The following CD8B2 variants were observed in gnomAD, a reference collection of about 807,000 sequenced individuals.
CD8B2 encodes T-cell surface glycoprotein CD8 beta-2 chain.
In CD8B2, 11 loss-of-function variants were observed where a neutral mutation model predicts 23.7. The observed-to-expected ratio is 0.46, with a 90% CI of 0.29 to 0.77. The LOEUF is 0.77. Among genes scored for constraint, CD8B2 ranks in the 30% least tolerant of loss-of-function variants. The probability of loss-of-function intolerance (pLI) is 0.09; values close to 1 mark genes in which losing one functional copy is unlikely to be tolerated. For missense variants in CD8B2, 197 were observed against 270.5 expected (o/e 0.73, Z 1.91); for synonymous variants, 90 against 109.3 (o/e 0.82, Z 1.10).
intron 5 of CD8B2, among the ~76,000 whole-genome samples, chr2:106,530,695 C>G (rs371819644): frequency 1.7e-4 from 26 of 152,232 alleles, no homozygotes; most frequent in African/African-American, 6.0e-4. Context: ...GGCTGCATTC[C>G]CAGATGGTTA....
At chr2:106,504,445 G>A (rs1679467446) in intron 5 of CD8B2, 120 bp downstream of exon 5, 1 of 1,532,304 alleles carries the variant, frequency 6.5e-7, no homozygotes, top group African/African-American at 1.4e-5. Context: ...GACTCGGCCG[G>A]GCGTGGTAGT....
At chr2:106,526,402 C>T (rs1199779009) in intron 5 of CD8B2, among the ~76,000 whole-genome samples, 2 of 152,140 alleles carry the variant, frequency 1.3e-5, no homozygotes, top group Non-Finnish European at 2.9e-5. Context: ...TACTTGTTAG[C>T]ATTCACGGCC....
chr2:106,524,744 C>T (rs964389275), intron 5 of CD8B2, among the ~76,000 whole-genome samples: 5 of 152,142 alleles, frequency 3.3e-5, no homozygotes, highest in Admixed American at 6.5e-5. Flanking sequence ...GTGGAATTTC[C>T]GGCTGCTGCG....
At chr2:106,503,413 A>G (rs958372319) in intron 4 of CD8B2, among the ~76,000 whole-genome samples, 7 of 152,060 alleles carry the variant, frequency 4.6e-5, no homozygotes, top group Admixed American at 1.3e-4. Context: ...TTTGCCTACA[A>G]TTGTTCCCCA....
At position 106,507,711 on chromosome 2, in the gene CD8B2, C is replaced by T. The variant is rs2104560752; in HGVS notation, c.*771C>T. On this transcript the variant is annotated 3_prime_UTR_variant, in exon 6 of 6. Coordinates refer to ENST00000643224, the MANE Select transcript of CD8B2 (RefSeq NM_001349727.2). ...TACGAAAGCCCATCTACAGCAAAGACATCAGTGCTCAGTGGAACAGAAACC... is the reference window on the plus strand; with the variant it reads ...TACGAAAGCCCATCTACAGCAAAGATATCAGTGCTCAGTGGAACAGAAACC... 4 of 851,008 alleles carry T rather than the reference C, an allele frequency of 4.7e-6. No homozygotes were observed. Among genetic ancestry groups the T allele is most frequent in the Middle Eastern group, 6.0e-4 (1 of 1,668 alleles). The allele number at this position is 851,008 out of a possible 1,614,324, so 52.7% of individuals were successfully genotyped here. A position where few individuals can be genotyped will look rare whatever the true frequency, so the allele number is the denominator to read the frequency against.
Position 106,491,146 on chromosome 2 carries a change from G to C in CD8B2, c.316G>C (p.Val106Leu), listed in dbSNP as rs533526934. Reference sequence around the variant, plus strand: ...CCGGTTCATTCTCAATCTCACAAGCGTGAAGCCGGAGGACAGTGGCATCTA... The same window carrying C: ...CCGGTTCATTCTCAATCTCACAAGCCTGAAGCCGGAGGACAGTGGCATCTA... ...ASRFILNLTS[V>L]KPEDSGIYFC... Residue 106 changes from valine (V) to leucine (L), a missense_variant, in exon 2 of 6, where the codon GTG (valine) becomes CTG (leucine). Physicochemically the swap from Val to Leu is conservative, Grantham distance 32. Coordinates refer to ENST00000643224, the MANE Select transcript of CD8B2 (RefSeq NM_001349727.2). The C allele has an allele frequency of 2.2e-4, 361 of 1,613,768 alleles. No homozygotes were observed. Among genetic ancestry groups the C allele is most frequent in the Non-Finnish European group, 2.9e-4 (338 of 1,179,776 alleles).
intron 3 of CD8B2, among the ~76,000 whole-genome samples, chr2:106,499,367 A>G (rs1291319818): frequency 2.6e-5 from 4 of 152,062 alleles, no homozygotes; most frequent in African/African-American, 9.7e-5. Flanking sequence ...ACCCGTCTCC[A>G]CTAAAAATAC....
At chr2:106,516,321 C>T (rs148278362) in intron 5 of CD8B2, among the ~76,000 whole-genome samples, 2,166 of 152,304 alleles carry the variant, frequency 0.014, 25 homozygotes, top group Non-Finnish European at 0.023. Flanking sequence ...CTTTCCTTCA[C>T]CCTGAGGGTG....
At chr2:106,537,137 T>C (rs982094470) in intron 5 of CD8B2, among the ~76,000 whole-genome samples, 1 of 152,162 alleles carries the variant, frequency 6.6e-6, no homozygotes, top group Admixed American at 6.5e-5. Flanking sequence ...AGACAGGACA[T>C]GTGAATATGG....
In CD8B2 at chr2:106,517,222, G is replaced by T. The variant is rs145970724; in HGVS notation, c.620+12897G>T. ...ATCCTGGGCTCCTGCTTTTTCTGGA[G>T]AATAGTCTTGTTTTTCCACATTTTA... On this transcript the variant is annotated intron_variant, in intron 5 of 5. Transcript: ENST00000416057. Among the ~76,000 whole-genome samples the T allele has an allele frequency of 6.2e-3, 938 of 151,940 alleles. 10 individuals are homozygous for T. Among genetic ancestry groups the T allele is most frequent in the African/African-American group, 0.022 (892 of 41,420 alleles).
At chr2:106,540,685 C>T (rs1680158739) in intron 5 of CD8B2, among the ~76,000 whole-genome samples, 1 of 152,128 alleles carries the variant, frequency 6.6e-6, no homozygotes, top group African/African-American at 2.4e-5. Context: ...CTGCCTCAGC[C>T]TCCTGAGTAG....
rs1679297035 is a variant in CD8B2, at chr2:106,496,242, C to G, written c.473C>G (p.Pro158Arg). The G allele has an allele frequency of 3.9e-6, 6 of 1,539,396 alleles. No individual in the cohort carries two copies. In the African/African-American group the frequency reaches 8.3e-5, roughly 21 times the overall value. ...CTCAAGAAGAGAGTGTGCCGGTTAC[C>G]CAGGCCAGAGACCCAGAAGGGTGAG... ...STLKKRVCRLPRPETQKGPLC... is the reference protein window; with the variant it reads ...STLKKRVCRLRRPETQKGPLC... The change falls in exon 3 of 6, where the codon CCC becomes CGC. Residue 158 changes from proline to arginine, a missense_variant. By Grantham distance (103) the Pro-to-Arg change is moderately radical. Around this residue, in one of 3 missense-constraint regions of CD8B2, gnomAD observed 35 missense variants for 82.9 expected, o/e 0.42. Coordinates refer to ENST00000643224, the MANE Select transcript of CD8B2 (RefSeq NM_001349727.2).
At chr2:106,520,427 A>T (rs2104568075) in intron 5 of CD8B2, among the ~76,000 whole-genome samples, 1 of 152,206 alleles carries the variant, frequency 6.6e-6, no homozygotes, top group South Asian at 2.1e-4. Flanking sequence ...CGGGGACCAG[A>T]GACACTGGGG....
intron 5 of CD8B2, chr2:106,543,248 G>A (rs1326688531): frequency 6.6e-6 from 1 of 152,164 alleles, no homozygotes; most frequent in Non-Finnish European, 1.5e-5. Flanking sequence ...CAGGCTTGGC[G>A]GAGTGGCTCA....
At chr2:106,526,672 CAG>C (rs1158197170) in intron 5 of CD8B2, among the ~76,000 whole-genome samples, 1 of 152,128 alleles carries the variant, frequency 6.6e-6, no homozygotes, top group Non-Finnish European at 1.5e-5. Flanking sequence ...CTTTTTGAGA[CAG>C]AGTTTCGCTC....
At chr2:106,488,885 A>G (rs1254232661) in intron 1 of CD8B2, among the ~76,000 whole-genome samples, 1 of 152,170 alleles carries the variant, frequency 6.6e-6, no homozygotes, top group African/African-American at 2.4e-5. Context: ...AAAGCAAGGA[A>G]AAACCTCTGC....
intron 4 of CD8B2, among the ~76,000 whole-genome samples, chr2:106,502,962 G>T (rs533296088): frequency 6.6e-6 from 1 of 151,870 alleles, no homozygotes; most frequent in African/African-American, 2.4e-5. Context: ...AAAGCCCAGT[G>T]TCCAGAAAAG....
At chr2:106,533,228 T>G (rs1192246336) in intron 5 of CD8B2, among the ~76,000 whole-genome samples, 1 of 152,152 alleles carries the variant, frequency 6.6e-6, no homozygotes, top group Non-Finnish European at 1.5e-5. Context: ...TGATTGCAGA[T>G]GGATAGGGCT....
At chr2:106,531,698 A>C (rs1390629427) in intron 5 of CD8B2, among the ~76,000 whole-genome samples, 1 of 152,176 alleles carries the variant, frequency 6.6e-6, no homozygotes, top group Non-Finnish European at 1.5e-5. Flanking sequence ...TCTTCTCTTC[A>C]GTGCGATCCT....
Sources: allele counts gnomAD v4.1 joint callset (sites outside exome capture counted in the v4.1 genomes callset), GRCh38; gene constraint gnomAD v4.1.1; regional missense constraint gnomAD v4.1.1; transcripts MANE v1.5; gene names NCBI Gene and HGNC (gene_info 2026-07-23, HGNC 2026-07-21).